The following FEZ2 variants were observed in gnomAD, a reference collection of about 807,000 sequenced individuals.
FEZ2 encodes fasciculation and elongation protein zeta 2.
In FEZ2, 51 loss-of-function variants were observed where a neutral mutation model predicts 40.4. That is an observed-to-expected ratio of 1.26 (90% CI 1.01 to 1.59). The LOEUF is 1.59. Ranked by LOEUF, FEZ2 falls within the 40% of genes most tolerant of loss-of-function variation. The pLI, the probability that FEZ2 is intolerant of heterozygous loss-of-function variation, is 0.00. For synonymous variants in FEZ2, 242 were observed against 172.0 expected (o/e 1.41, Z -3.18); for missense variants, 640 against 438.3 (o/e 1.46, Z -4.11).
intron 2 of FEZ2, among the ~76,000 whole-genome samples, chr2:36,589,397 C>A (rs905084900): frequency 3.9e-5 from 6 of 152,194 alleles, no homozygotes; most frequent in African/African-American, 1.4e-4. Context: ...GGAATTTAGG[C>A]CATGGCTAAA....
intron 5 of FEZ2, among the ~76,000 whole-genome samples, chr2:36,574,318 G>T (rs896884233): frequency 2.0e-5 from 3 of 152,040 alleles, no homozygotes; most frequent in Non-Finnish European, 4.4e-5. Flanking sequence ...TTGACACCTG[G>T]CAGAAAGATC....
chr2:36,597,841 G>T, intron 1 of FEZ2, 36 bp downstream of exon 1: 2 of 1,318,632 alleles, frequency 1.5e-6, no homozygotes, highest in Non-Finnish European at 1.9e-6. Flanking sequence ...GGTAGGGGAG[G>T]CTCCCGCCCA....
At chr2:36,585,076 A>G (rs1668863721) in intron 2 of FEZ2, among the ~76,000 whole-genome samples, 1 of 152,194 alleles carries the variant, frequency 6.6e-6, no homozygotes, top group African/African-American at 2.4e-5. Flanking sequence ...TGTGTGGAAA[A>G]AAGGAGAATC....
chr2:36,574,670 G>C (rs1462226312), intron 5 of FEZ2, among the ~76,000 whole-genome samples: 1 of 151,704 alleles, frequency 6.6e-6, no homozygotes, highest in Non-Finnish European at 1.5e-5. Flanking sequence ...TCCCCCAAGT[G>C]GACAGAAGCA....
chr2:36,590,811 T>G (rs1573031893), intron 2 of FEZ2, 92 bp downstream of exon 2: 7 of 765,222 alleles, frequency 9.1e-6, no homozygotes. Flanking sequence ...GAGAGGCAGG[T>G]CAGTGAATCT....
intron 4 of FEZ2, among the ~76,000 whole-genome samples, chr2:36,579,616 G>A (rs1238956095): frequency 6.6e-6 from 1 of 152,002 alleles, no homozygotes; most frequent in Non-Finnish European, 1.5e-5. Flanking sequence ...CTCCCACCAT[G>A]AGTAAAAGCT....
At chr2:36,570,425 A>G (rs1002540773) in intron 5 of FEZ2, among the ~76,000 whole-genome samples, 1 of 152,174 alleles carries the variant, frequency 6.6e-6, no homozygotes, top group Non-Finnish European at 1.5e-5. Flanking sequence ...ATGTAACTTA[A>G]TATTAATGTG....
intron 1 of FEZ2, chr2:36,594,504 CA>C (rs1416196797): frequency 1.0e-5 from 2 of 193,858 alleles, no homozygotes; most frequent in South Asian, 1.2e-4. Flanking sequence ...GAGGAAGGAG[CA>C]AAAGCGGAAA....
At chr2:36,570,254 A>G (rs969864267) in intron 5 of FEZ2, among the ~76,000 whole-genome samples, 1 of 152,116 alleles carries the variant, frequency 6.6e-6, no homozygotes, top group Non-Finnish European at 1.5e-5. Flanking sequence ...AAATTAGAAA[A>G]TATACATTAT....
At chr2:36,571,477 T>TAC (rs1424145264) in intron 5 of FEZ2, among the ~76,000 whole-genome samples, 17 of 147,892 alleles carry the variant, frequency 1.1e-4, no homozygotes, top group African/African-American at 4.3e-4. Context: ...CCTGGCCAAC[T>TAC]TGGTGAAACC....
At chr2:36,567,785 A>G (rs980254901) in intron 5 of FEZ2, among the ~76,000 whole-genome samples, 15 of 151,994 alleles carry the variant, frequency 9.9e-5, no homozygotes, top group Non-Finnish European at 2.2e-4. Flanking sequence ...AGAAATCTCA[A>G]ACCCCTAGCT....
intron 5 of FEZ2, among the ~76,000 whole-genome samples, chr2:36,572,030 A>G (rs1228595760): frequency 1.3e-4 from 6 of 45,662 alleles, no homozygotes; most frequent in African/African-American, 7.5e-4. Flanking sequence ...AAAAAAAAAA[A>G]AAAAAAAAAA....
chr2:36,590,638 C>T, intron 2 of FEZ2: 1 of 350,546 alleles, frequency 2.9e-6, no homozygotes, highest in Non-Finnish European at 5.2e-6. Context: ...GCCTGGGCAA[C>T]AGAGTGAGAC....
chr2:36,576,813 C>T (rs895717130), intron 5 of FEZ2, among the ~76,000 whole-genome samples: 2 of 152,198 alleles, frequency 1.3e-5, no homozygotes, highest in Non-Finnish European at 2.9e-5. Flanking sequence ...TGTAAAATTA[C>T]ACAATAGATT....
At chr2:36,571,728 G>A (rs1668417656) in intron 5 of FEZ2, among the ~76,000 whole-genome samples, 1 of 151,752 alleles carries the variant, frequency 6.6e-6, no homozygotes, top group East Asian at 1.9e-4. Context: ...GAAAAAGGCT[G>A]GGCACTGTGG....
chr2:36,568,545 G>T (rs917216419), intron 5 of FEZ2, among the ~76,000 whole-genome samples: 1 of 152,124 alleles, frequency 6.6e-6, no homozygotes, highest in African/African-American at 2.4e-5. Context: ...AAGTTATTTT[G>T]TAATTGATTC....
At chr2:36,586,109 G>GA (rs556641316) in intron 2 of FEZ2, among the ~76,000 whole-genome samples, 1 of 152,088 alleles carries the variant, frequency 6.6e-6, no homozygotes, top group South Asian at 2.1e-4. Flanking sequence ...CTAGGCTCTT[G>GA]ATGAGAGGGG....
rs758031425 is a variant in FEZ2, at chr2:36,558,444, T to A, written c.973A>T (p.Thr325Ser). The change falls in exon 6 of 8, where the codon ACA becomes TCA. Residue 325 changes from threonine to serine, a missense_variant. Coordinates refer to ENST00000405912, the MANE Select transcript of FEZ2 (RefSeq NM_005102.3). Reference protein sequence around the residue: ...PPSVEDLQILTKILRAMKEDS... With the variant: ...PPSVEDLQILSKILRAMKEDS... ...TCATTTTGTCTTTGCTCACTTTTTG[T>A]TAATATTTGAAGATCTTCAACAGAC... The A allele has an allele frequency of 6.6e-7, 1 of 1,521,680 alleles. No individual in the cohort carries two copies. Among genetic ancestry groups the A allele is most frequent in the East Asian group, 2.5e-5 (1 of 40,374 alleles). The allele number at this position is 1,521,680 out of a possible 1,614,324, so 94.3% of individuals were successfully genotyped here.
chr2:36,581,206 T>C (rs1234469194), intron 4 of FEZ2, 84 bp downstream of exon 4: 2 of 1,258,096 alleles, frequency 1.6e-6, no homozygotes, highest in African/African-American at 1.5e-5. Flanking sequence ...GAGGATGAAA[T>C]CAAAGCTTTC....
Sources: allele counts gnomAD v4.1 joint callset (sites outside exome capture counted in the v4.1 genomes callset), GRCh38; gene constraint gnomAD v4.1.1; transcripts MANE v1.5; gene names NCBI Gene and HGNC (gene_info 2026-07-23, HGNC 2026-07-21).